Variants in CDKAL1 observed in about 807,000 individuals in gnomAD.
The protein encoded by CDKAL1 is threonylcarbamoyladenosine tRNA methylthiotransferase.
Under a neutral mutation model 68.2 loss-of-function variants are expected in CDKAL1, and 32 were observed. The observed-to-expected ratio is 0.47, with a 90% confidence interval of 0.35 to 0.63. The LOEUF is 0.63. Among genes scored for constraint, CDKAL1 ranks in the 30% least tolerant of loss-of-function variants. The probability of loss-of-function intolerance (pLI) is 0.00; values close to 1 mark genes in which losing one functional copy is unlikely to be tolerated. For missense variants in CDKAL1, 606 were observed against 696.7 expected (o/e 0.87, Z 1.47); for synonymous variants, 234 against 244.3 (o/e 0.96, Z 0.39).
At chr6:21,156,763 AT>A (rs1342439142) in intron 13 of CDKAL1, among the ~76,000 whole-genome samples, 1 of 152,076 alleles carries the variant, frequency 6.6e-6, no homozygotes, top group Non-Finnish European at 1.5e-5. Context: ...GATTACTAGA[AT>A]TCAAGCAGCT....
chr6:21,007,735 C>G (rs1297410395), intron 11 of CDKAL1, among the ~76,000 whole-genome samples: 1 of 152,186 alleles, frequency 6.6e-6, no homozygotes, highest in Non-Finnish European at 1.5e-5. Flanking sequence ...ATGCCAAGCA[C>G]TACTGTTAAA....
At chr6:20,746,279 T>G (rs1773661004) in intron 6 of CDKAL1, among the ~76,000 whole-genome samples, 1 of 152,214 alleles carries the variant, frequency 6.6e-6, no homozygotes, top group Non-Finnish European at 1.5e-5. Flanking sequence ...TTATGAGGAA[T>G]GTACTGTCAT....
At chr6:20,907,408 A>T (rs1452395666) in intron 9 of CDKAL1, among the ~76,000 whole-genome samples, 1 of 152,170 alleles carries the variant, frequency 6.6e-6, no homozygotes, top group East Asian at 1.9e-4. Flanking sequence ...GATGACAGAG[A>T]CCTTGTCTCA....
intron 10 of CDKAL1, among the ~76,000 whole-genome samples, chr6:20,976,108 A>G (rs1765833813): frequency 6.6e-6 from 1 of 152,068 alleles, no homozygotes; most frequent in Non-Finnish European, 1.5e-5. Context: ...CCAGAATGTC[A>G]TATAATTGCA....
intron 4 of CDKAL1, among the ~76,000 whole-genome samples, chr6:20,619,255 G>C (rs1390733298): frequency 1.3e-5 from 2 of 152,116 alleles, no homozygotes; most frequent in African/African-American, 2.4e-5. Context: ...TTGAAAAATA[G>C]AAAGCCAGAG....
intron 4 of CDKAL1, among the ~76,000 whole-genome samples, chr6:20,633,081 T>C (rs949022336): frequency 1.3e-5 from 2 of 152,204 alleles, no homozygotes; most frequent in Non-Finnish European, 2.9e-5. Flanking sequence ...GAGATAATAA[T>C]TCCTATGCCA....
chr6:20,605,130 AG>A (rs1406401438), intron 4 of CDKAL1, among the ~76,000 whole-genome samples: 1 of 152,226 alleles, frequency 6.6e-6, no homozygotes, highest in Non-Finnish European at 1.5e-5. Flanking sequence ...GATACACTGC[AG>A]TCAAAGAGAC....
At chr6:21,108,867 A>T (rs1421134574) in intron 13 of CDKAL1, among the ~76,000 whole-genome samples, 2 of 152,188 alleles carry the variant, frequency 1.3e-5, no homozygotes, top group African/African-American at 4.8e-5. Flanking sequence ...TATTTTTCTA[A>T]ATGAAAATCC....
intron 10 of CDKAL1, among the ~76,000 whole-genome samples, chr6:20,985,174 A>G (rs1402978931): frequency 6.6e-6 from 1 of 152,164 alleles, no homozygotes; most frequent in African/African-American, 2.4e-5. Context: ...TTGCATAATG[A>G]TCAAACAGGG....
intron 5 of CDKAL1, among the ~76,000 whole-genome samples, chr6:20,707,077 A>G (rs1319636487): frequency 6.6e-6 from 1 of 152,200 alleles, no homozygotes; most frequent in Admixed American, 6.5e-5. Flanking sequence ...GTCATTAAAA[A>G]CAATTTTGTC....
chr6:20,952,915 A>C (rs1764604458), intron 9 of CDKAL1, among the ~76,000 whole-genome samples: 1 of 152,340 alleles, frequency 6.6e-6, no homozygotes, highest in South Asian at 2.1e-4. Flanking sequence ...ATCCATTCTC[A>C]TTAGGATTCT....
intron 9 of CDKAL1, among the ~76,000 whole-genome samples, chr6:20,876,207 A>T (rs1317785773): frequency 3.3e-5 from 5 of 152,246 alleles, no homozygotes; most frequent in Non-Finnish European, 7.3e-5. Flanking sequence ...GCTGATAAAT[A>T]TAAGAACCTG....
intron 11 of CDKAL1, among the ~76,000 whole-genome samples, chr6:21,034,109 G>A (rs1016549222): frequency 3.3e-5 from 5 of 152,132 alleles, no homozygotes; most frequent in African/African-American, 1.2e-4. Context: ...CCTTAATAAA[G>A]GTGAGCCTGA....
rs889650478 is a variant in CDKAL1, at chr6:20,648,090, A to AT, written c.287-1194dup. 1.1e-4 allele frequency among the ~76,000 whole-genome samples: 15 copies of AT among 140,220 alleles called. 1 individual carries two copies. The highest frequency in any genetic ancestry group is 3.7e-3 in the Middle Eastern group (1 of 268). 92.0% of individuals were successfully genotyped at this position (140,220 alleles called of 152,430 possible). On this transcript the variant is annotated intron_variant, in intron 4 of 15. Coordinates refer to ENST00000274695, the MANE Select transcript of CDKAL1 (RefSeq NM_017774.3). Reference sequence around the variant, plus strand: ...ACTCTGTCTCAAAAAAAAAAAAAATATTTTTTTTTGCCATGTTTATAATAA... The same window carrying AT: ...ACTCTGTCTCAAAAAAAAAAAAAATATTTTTTTTTTGCCATGTTTATAATAA...
chr6:20,817,191 G>T (rs560642571), intron 8 of CDKAL1, among the ~76,000 whole-genome samples: 13 of 152,156 alleles, frequency 8.5e-5, no homozygotes, highest in African/African-American at 3.1e-4. Flanking sequence ...ATTTTTGCTT[G>T]TAGCACTAGT....
At chr6:20,852,852 G>A (rs1461659500) in intron 9 of CDKAL1, among the ~76,000 whole-genome samples, 1 of 152,222 alleles carries the variant, frequency 6.6e-6, no homozygotes, top group African/African-American at 2.4e-5. Context: ...CCTTTCCTCA[G>A]AACTTTGAGG....
At chr6:20,782,480 C>CAA (rs1775473299) in intron 8 of CDKAL1, among the ~76,000 whole-genome samples, 1 of 152,084 alleles carries the variant, frequency 6.6e-6, no homozygotes, top group Non-Finnish European at 1.5e-5. Flanking sequence ...TGTTTGCTTT[C>CAA]CCCTTCCTCA....
chr6:20,962,861 A>C (rs74744031), intron 10 of CDKAL1, among the ~76,000 whole-genome samples: 3 of 152,174 alleles, frequency 2.0e-5, no homozygotes, highest in Non-Finnish European at 4.4e-5. Flanking sequence ...ACATGTCAGT[A>C]TGTGGTTTGA....
intron 4 of CDKAL1, among the ~76,000 whole-genome samples, chr6:20,645,051 C>G (rs560232993): frequency 9.2e-4 from 140 of 152,206 alleles, no homozygotes; most frequent in Non-Finnish European, 1.8e-4. Flanking sequence ...AGCATCTAAA[C>G]TAGAAAAGGT....
Sources: allele counts gnomAD v4.1 joint callset (sites outside exome capture counted in the v4.1 genomes callset), GRCh38; gene constraint gnomAD v4.1.1; transcripts MANE v1.5; gene names NCBI Gene and HGNC (gene_info 2026-07-23, HGNC 2026-07-21).